PSD2: variants seen among roughly 807,000 people sequenced by gnomAD.
The protein encoded by PSD2 is pleckstrin and Sec7 domain containing 2, also known as PH and SEC7 domain-containing protein 2.
PSD2 carries 38 observed loss-of-function variants against 69.8 expected under a neutral mutation model. The observed-to-expected ratio is 0.54, with a 90% confidence interval of 0.42 to 0.71. The LOEUF (loss-of-function observed/expected upper bound fraction) is 0.71. Among genes scored for constraint, PSD2 ranks in the 30% least tolerant of loss-of-function variants. The pLI is 0.00. For missense variants in PSD2, 943 were observed against 1,014.5 expected (o/e 0.93, Z 0.96); for synonymous variants, 412 against 423.0 (o/e 0.97, Z 0.32).
chr5:139,813,255 AC>A (rs1341252521), intron 2 of PSD2, 53 bp from the exon 3 acceptor site: 1 of 1,437,866 alleles, frequency 7.0e-7, no homozygotes, highest in Non-Finnish European at 9.3e-7. Context: ...AGTCACCAGC[AC>A]CTGTATGGGG....
At chr5:139,840,302 A>G in intron 14 of PSD2, 132 bp downstream of exon 14, 2 of 1,010,586 alleles carry the variant, frequency 2.0e-6, no homozygotes, top group South Asian at 3.3e-5. Context: ...GGGAGGGAAC[A>G]GGGTCCCCTG....
In PSD2 at chr5:139,822,005, G is replaced by T. The variant is rs759104702; in HGVS notation, c.1210G>T (p.Asp404Tyr). 6.3e-7 allele frequency: 1 copy of T among 1,593,258 alleles called. No individual in the cohort carries two copies. ...QCNPDDSTSE[D>Y]GIHTLTCALM... ...CAACCCTGATGACAGCACTTCGGAA[G>T]GTATGGCCCCTTGCCCACTCTGCCT... The change falls in exon 6 of 15, where the codon GAT becomes TAT. Residue 404 changes from aspartate (D) to tyrosine (Y), a missense_variant and splice_region_variant. By Grantham distance (160) the Asp-to-Tyr change is radical. This residue lies in a region of PSD2 where 312 missense variants were observed against 400.7 expected (regional missense o/e 0.78). Transcript: ENST00000274710.
the PSD2 span, among the ~76,000 whole-genome samples, chr5:139,754,137 G>C: frequency 2.0e-5 from 3 of 151,570 alleles, no homozygotes; most frequent in Non-Finnish European, 2.9e-5. Context: ...CGCCGGACCA[G>C]AGTTGGGTTT....
chr5:139,831,211 G>A (rs879679600), intron 7 of PSD2, among the ~76,000 whole-genome samples: 2 of 151,960 alleles, frequency 1.3e-5, no homozygotes, highest in South Asian at 2.1e-4. Context: ...TCTTGCCTTC[G>A]AATCTATTTT....
At chr5:139,766,829 T>TTCTCTCTC in the PSD2 span, among the ~76,000 whole-genome samples, 11 of 49,250 alleles carry the variant, frequency 2.2e-4, no homozygotes, top group Admixed American at 1.1e-3. Context: ...AGTCCCTTCC[T>TTCTCTCTC]TCTTTCTTTC....
chr5:139,796,653 C>A (rs1046051281), intron 1 of PSD2, among the ~76,000 whole-genome samples: 5 of 152,188 alleles, frequency 3.3e-5, no homozygotes, highest in African/African-American at 9.7e-5. Flanking sequence ...CTGGGGACAA[C>A]CCTGCCCAGC....
chr5:139,842,546 G>A lies in PSD2; in HGVS notation c.*72G>A, dbSNP rs1760900344. ...GGTCAGTGAGCACAATTCCAGCCAG[G>A]GGCCACTTGGACCAAGCTCCAGTCA... On this transcript the variant is annotated 3_prime_UTR_variant, in exon 15 of 15. Coordinates refer to ENST00000274710, the MANE Select transcript of PSD2 (RefSeq NM_032289.4). 1 of 1,414,658 alleles carries A rather than the reference G, an allele frequency of 7.1e-7. No individual in the cohort carries two copies. The allele number at this position is 1,414,658 out of a possible 1,614,324, so 87.6% of individuals were successfully genotyped here. A position where few individuals can be genotyped will look rare whatever the true frequency, so the allele number is the denominator to read the frequency against.
At chr5:139,810,726 T>C (rs969032090) in intron 2 of PSD2, among the ~76,000 whole-genome samples, 2 of 152,210 alleles carry the variant, frequency 1.3e-5, no homozygotes, top group Admixed American at 6.5e-5. Flanking sequence ...TCTGTGGCAC[T>C]GGGTGTGCCA....
At chr5:139,820,868 G>T (rs1213965347) in intron 5 of PSD2, among the ~76,000 whole-genome samples, 1 of 152,114 alleles carries the variant, frequency 6.6e-6, no homozygotes, top group African/African-American at 2.4e-5. Flanking sequence ...GGTAGTCTGG[G>T]CAGTGAACAT....
intron 9 of PSD2, among the ~76,000 whole-genome samples, chr5:139,836,158 T>C (rs533541606): frequency 2.0e-5 from 3 of 152,208 alleles, no homozygotes; most frequent in African/African-American, 2.4e-5. Flanking sequence ...GTGACTGTTA[T>C]TGACAGTGGG....
chr5:139,748,123 C>T, the PSD2 span, among the ~76,000 whole-genome samples: 1 of 152,100 alleles, frequency 6.6e-6, no homozygotes, highest in Non-Finnish European at 1.5e-5. Context: ...TCACGTGACC[C>T]CCGGGGCCCC....
the PSD2 span, among the ~76,000 whole-genome samples, chr5:139,780,367 T>C: frequency 6.6e-6 from 1 of 152,244 alleles, no homozygotes; most frequent in Non-Finnish European, 1.5e-5. Context: ...TCCGTGACCC[T>C]GAACTTGTAT....
At chr5:139,763,008 A>G in the PSD2 span, among the ~76,000 whole-genome samples, 1 of 152,144 alleles carries the variant, frequency 6.6e-6, no homozygotes. Flanking sequence ...GAGAGAGGAC[A>G]GGGAGCAATG....
At chr5:139,817,631 C>G (rs1256319433) in intron 5 of PSD2, 70 bp downstream of exon 5, 22 of 1,289,506 alleles carry the variant, frequency 1.7e-5, no homozygotes, top group Non-Finnish European at 2.2e-5. Context: ...CATGTCAACT[C>G]TACCATAAAC....
Position 139,813,290 on chromosome 5 carries a change from G to A in PSD2, c.372-19G>A, listed in dbSNP as rs1249011111. The A allele has an allele frequency of 2.0e-6, 3 of 1,519,982 alleles. No homozygotes were observed. The highest frequency in any genetic ancestry group is 2.7e-6 in the Non-Finnish European group (3 of 1,131,862). The allele number at this position is 1,519,982 out of a possible 1,614,324, so 94.2% of individuals were successfully genotyped here. On this transcript the variant is annotated intron_variant, in intron 2 of 14. Coordinates refer to ENST00000274710, the MANE Select transcript of PSD2 (RefSeq NM_032289.4). The stretch of plus-strand genomic sequence containing the variant: ...GGGACAGCTTGGCAGGATGGTGACT[G>A]GCTCCTTGCATCCCACAGGTTGGAT...
chr5:139,766,870 T>C, the PSD2 span, among the ~76,000 whole-genome samples: 15 of 150,628 alleles, frequency 1.0e-4, no homozygotes, highest in Admixed American at 4.6e-4. Context: ...TTTCTTTCTT[T>C]CTTTCTTTCT....
chr5:139,743,561 TGTGA>T, the PSD2 span, among the ~76,000 whole-genome samples: 2 of 152,214 alleles, frequency 1.3e-5, no homozygotes, highest in African/African-American at 4.8e-5. Context: ...TATGTCTTTT[TGTGA>T]GTGAGGACCT....
intron 1 of PSD2, among the ~76,000 whole-genome samples, chr5:139,805,195 TCCCTGGTGGGCCCCACCTCCAG>T: frequency 6.6e-6 from 1 of 152,318 alleles, no homozygotes; most frequent in East Asian, 1.9e-4. Context: ...TCTGGAGCCC[TCCCTGGTGGGCCCCACCTCCAG>T]CCCTGCCCTT....
chr5:139,773,201 A>C, the PSD2 span, among the ~76,000 whole-genome samples: 1 of 151,480 alleles, frequency 6.6e-6, no homozygotes, highest in Non-Finnish European at 1.5e-5. Context: ...TAACTCCCCC[A>C]CCTCCTTTCC....
Sources: gnomAD v4.1 joint callset for allele counts (sites outside exome capture counted in the v4.1 genomes callset) on GRCh38, gnomAD v4.1.1 for gene constraint, gnomAD v4.1.1 regional missense constraint, MANE v1.5 for transcripts, NCBI Gene and HGNC (gene_info 2026-07-23, HGNC 2026-07-21) for gene names.